DOT1L: variants seen among roughly 807,000 people sequenced by gnomAD.
The protein encoded by DOT1L is DOT1 like histone lysine methyltransferase.
A neutral mutation model predicts 153.3 loss-of-function variants in DOT1L; 33 were observed. That is an observed-to-expected ratio of 0.22 (90% CI 0.16 to 0.29). The LOEUF is 0.29. Ranked by LOEUF, DOT1L falls within the 10% of genes least tolerant of loss-of-function variation. The pLI is 1.00. For missense variants in DOT1L, 1,847 were observed against 2,119.9 expected (o/e 0.87, Z 2.53); for synonymous variants, 1,135 against 965.1 (o/e 1.18, Z -3.26).
rs1367781221 is a variant in DOT1L at position 2,220,562 on chromosome 19, C to T, written c.2806+340C>T. 6.2e-6 allele frequency: 3 copies of T among 487,318 alleles called. No individual in the cohort carries two copies. Among genetic ancestry groups the T allele is most frequent in the Non-Finnish European group, 1.2e-5 (3 of 247,192 alleles). The allele number at this position is 487,318 out of a possible 1,614,324, so 30.2% of individuals were successfully genotyped here. On this transcript the variant is annotated intron_variant, in intron 23 of 27. Coordinates refer to ENST00000398665, the MANE Select transcript of DOT1L (RefSeq NM_032482.3). The surrounding 1 kb of genome is among the most constrained non-coding windows in gnomAD (Gnocchi z 4.5). ...CCCCTGACTCAGGATCGGCTCCACA[C>T]ACAGCAGTGCCCAATGGCACACGAC...
chr19:2,169,315 T>C (rs576455501), intron 1 of DOT1L, among the ~76,000 whole-genome samples: 1 of 152,306 alleles, frequency 6.6e-6, no homozygotes, highest in East Asian at 1.9e-4. Context: ...TTAGGCAGCT[T>C]TGTGTGAGTA....
intron 7 of DOT1L, 122 bp from the exon 8 acceptor site, chr19:2,199,762 T>G (rs914209583): frequency 5.0e-5 from 66 of 1,326,418 alleles, no homozygotes; most frequent in East Asian, 3.3e-4. Flanking sequence ...GGCCTGGGCC[T>G]CCTCCTGCTC....
rs1201639041 is a variant in DOT1L, at chr19:2,197,980, C to T, written c.652-1904C>T. On this transcript the variant is annotated intron_variant, in intron 7 of 27. Transcript: ENST00000398665. The surrounding 1 kb of genome is among the most constrained non-coding windows in gnomAD (Gnocchi z 4.1). ...CCACTTGGGAGGCTCCAAGTCCTCC[C>T]GCCTGAGCAGTGTCACCAGGGAGGC... Among the ~76,000 whole-genome samples the T allele has an allele frequency of 6.6e-6, 1 of 152,194 alleles. No individual in the cohort carries two copies. Among genetic ancestry groups the T allele is most frequent in the African/African-American group, 2.4e-5 (1 of 41,460 alleles).
Position 2,216,372 on chromosome 19 carries a change from A to G in DOT1L, c.2015A>G (p.His672Arg), listed in dbSNP as rs1246538149. The change falls in exon 20 of 28, where the codon CAC becomes CGC. Residue 672 changes from histidine (H) to arginine (R), a missense_variant. His to Arg is a conservative substitution (Grantham distance 29). Coordinates refer to ENST00000398665, the MANE Select transcript of DOT1L (RefSeq NM_032482.3). ...CVPPDDALSL[H>R]LRGKGALGRE... is the part of the protein sequence containing the mutation. ...CCGCCTGACGACGCCCTGTCCCTGCACCTGCGTGGGAAGGGCGCCCTGGGC... is the reference window on the plus strand; with the variant it reads ...CCGCCTGACGACGCCCTGTCCCTGCGCCTGCGTGGGAAGGGCGCCCTGGGC... The G allele has an allele frequency of 6.2e-7, 1 of 1,612,304 alleles. No individual in the cohort carries two copies. Among genetic ancestry groups the G allele is most frequent in the Non-Finnish European group, 8.5e-7 (1 of 1,179,710 alleles).
chr19:2,196,083 G>A (rs111832188), intron 7 of DOT1L, among the ~76,000 whole-genome samples: 23 of 152,356 alleles, frequency 1.5e-4, no homozygotes, highest in African/African-American at 5.5e-4. Flanking sequence ...GTGAGGCCTC[G>A]ACATTCCTGT....
intron 1 of DOT1L, among the ~76,000 whole-genome samples, chr19:2,172,380 G>C (rs1340124374): frequency 1.3e-5 from 2 of 151,672 alleles, no homozygotes; most frequent in Non-Finnish European, 2.9e-5. Context: ...TAGCAGAGAT[G>C]GGGTTTCACC....
At chr19:2,189,699 C>T (rs186572260) in intron 3 of DOT1L, 33 bp from the exon 4 acceptor site, 150 of 1,606,344 alleles carry the variant, frequency 9.3e-5, no homozygotes, top group African/African-American at 8.1e-4. Context: ...GGCTCCTGCC[C>T]GCATGACCAG....
chr19:2,197,494 C>T lies in DOT1L; in HGVS notation c.652-2390C>T, dbSNP rs1387234810. ...AGAGGGGTGCTGTCGGGTGGTGGGG[C>T]TGCCGCAGCACTGCTCCCCCTTCTG... On this transcript the variant is annotated intron_variant, in intron 7 of 27. Transcript: ENST00000398665. This position sits in a 1 kb window ranked among gnomAD's most constrained non-coding sequence, Gnocchi z 4.1. Among the ~76,000 whole-genome samples the T allele has an allele frequency of 6.6e-6, 1 of 152,180 alleles. No homozygotes were observed. Among genetic ancestry groups the T allele is most frequent in the Non-Finnish European group, 1.5e-5 (1 of 68,030 alleles).
intron 7 of DOT1L, among the ~76,000 whole-genome samples, chr19:2,195,330 C>A (rs75161723): frequency 0.028 from 4,244 of 152,226 alleles, 200 homozygotes; most frequent in African/African-American, 0.096. Context: ...CAGAGGCCTG[C>A]AGAGCTGGGT....
At chr19:2,219,618 T>G (rs1165712448) in intron 22 of DOT1L, among the ~76,000 whole-genome samples, 1 of 152,184 alleles carries the variant, frequency 6.6e-6, no homozygotes. Flanking sequence ...CTTTGGCCCA[T>G]GTGGGAGTGG....
chr19:2,209,280 CCT>C lies in DOT1L; in HGVS notation c.1005+311_1005+312del, dbSNP rs1267397278. Among the ~76,000 whole-genome samples, 120 of 152,296 alleles carry C rather than the reference CCT, an allele frequency of 7.9e-4. 2 individuals are homozygous for C. The highest frequency in any genetic ancestry group is 2.7e-3 in the African/African-American group (112 of 41,558). On this transcript the variant is annotated intron_variant, in intron 12 of 27. Coordinates refer to ENST00000398665, the MANE Select transcript of DOT1L (RefSeq NM_032482.3). ...CTCTCCGTTTCTCTCTCTCTCCCAC[CCT>C]CTCTCTGTCTCTTTGCCTGTCTTCA...
chr19:2,168,315 A>T (rs957516435), intron 1 of DOT1L, among the ~76,000 whole-genome samples: 1 of 152,200 alleles, frequency 6.6e-6, no homozygotes, highest in African/African-American at 2.4e-5. Flanking sequence ...CAAAAAATTT[A>T]AAACAGTGAA....
intron 27 of DOT1L, chr19:2,228,671 G>A (rs1489292857): frequency 6.1e-6 from 6 of 985,302 alleles, no homozygotes; most frequent in African/African-American, 3.5e-5. Context: ...CCCTGTGGGC[G>A]AGGCTCACGG....
intron 24 of DOT1L, among the ~76,000 whole-genome samples, 177 bp from the exon 25 acceptor site, chr19:2,223,104 G>T (rs2024190375): frequency 6.6e-6 from 1 of 151,988 alleles, no homozygotes; most frequent in Admixed American, 6.5e-5. Flanking sequence ...GGATTGCGGG[G>T]TGGTGTGTGA....
chr19:2,231,361 G>A lies in DOT1L; in HGVS notation c.*1569G>A, dbSNP rs1280255636. On this transcript the variant is annotated 3_prime_UTR_variant, in exon 28 of 28. Coordinates refer to ENST00000398665, the MANE Select transcript of DOT1L (RefSeq NM_032482.3). ...GTTCCCAAGGGCAGGATGGACACAC[G>A]TCACATCCCTACCACGTGGCCTCCA... 1.9e-5 allele frequency: 4 copies of A among 208,630 alleles called. No individual in the cohort carries two copies. The highest frequency in any genetic ancestry group is 1.9e-4 in the South Asian group (1 of 5,306). The allele number at this position is 208,630 out of a possible 1,614,324, so 12.9% of individuals were successfully genotyped here.
At chr19:2,173,432 G>T (rs2021752165) in intron 1 of DOT1L, among the ~76,000 whole-genome samples, 1 of 152,218 alleles carries the variant, frequency 6.6e-6, no homozygotes, top group Non-Finnish European at 1.5e-5. Flanking sequence ...GCGGATCACA[G>T]TGAGAGCAGC....
chr19:2,198,569 C>T (rs746207487), intron 7 of DOT1L, among the ~76,000 whole-genome samples: 1 of 152,220 alleles, frequency 6.6e-6, no homozygotes, highest in African/African-American at 2.4e-5. Flanking sequence ...CTTGCGTTAC[C>T]CTCTCTGCTC....
rs369838390 is a variant in DOT1L, at chr19:2,226,864, C to T, written c.4343C>T (p.Ala1448Val). The change falls in exon 27 of 28, where the codon GCG becomes GTG. Residue 1448 changes from alanine to valine, a missense_variant. Ala to Val is a moderately conservative substitution (Grantham distance 64). Around this residue, in one of 8 missense-constraint regions of DOT1L, gnomAD observed 934 missense variants for 825.3 expected, o/e 1.13. Coordinates refer to ENST00000398665, the MANE Select transcript of DOT1L (RefSeq NM_032482.3). ...AGCGGCCCCGGCCTGGCCCCGGCGGCGTCCTCCGCAGGCGGCGCGGCGTCC... is the reference window on the plus strand; with the variant it reads ...AGCGGCCCCGGCCTGGCCCCGGCGGTGTCCTCCGCAGGCGGCGCGGCGTCC... Reference protein sequence around the residue: ...LLSGPGLAPAASSAGGAASSA... With the variant: ...LLSGPGLAPAVSSAGGAASSA... The T allele has an allele frequency of 9.8e-5, 155 of 1,574,266 alleles. No homozygotes were observed. Among genetic ancestry groups the T allele is most frequent in the Non-Finnish European group, 1.2e-4 (146 of 1,168,420 alleles).
rs1212207469 is a variant in DOT1L at position 2,169,438 on chromosome 19, G to C, written c.81+5173G>C. Among the ~76,000 whole-genome samples, 11 of 152,296 alleles carry C rather than the reference G, an allele frequency of 7.2e-5. No individual in the cohort carries two copies. In the South Asian group the frequency reaches 1.9e-3, roughly 26 times the overall value. ...CCTGAAAGAGGTTGCAGGGGGTACT[G>C]GGGCGGGGAATTGTCCAGAAACTCT... On this transcript the variant is annotated intron_variant, in intron 1 of 27. Transcript: ENST00000398665.
Sources: allele counts gnomAD v4.1 joint callset (sites outside exome capture counted in the v4.1 genomes callset), GRCh38; gene constraint gnomAD v4.1.1; regional missense constraint gnomAD v4.1.1; non-coding constraint Gnocchi (gnomAD v3.1); transcripts MANE v1.5; gene names NCBI Gene and HGNC (gene_info 2026-07-23, HGNC 2026-07-21).